Variants in NLRC4 observed in about 807,000 individuals in gnomAD.
NLRC4 encodes NLR family CARD domain containing 4.
In NLRC4, 63 loss-of-function variants were observed where a neutral mutation model predicts 79.9. That is an observed-to-expected ratio of 0.79 (90% CI 0.64 to 0.97). The LOEUF (loss-of-function observed/expected upper bound fraction) is 0.97. NLRC4 is among the 50% of genes least tolerant of loss of function. The probability of loss-of-function intolerance (pLI) is 0.00; values close to 1 mark genes in which losing one functional copy is unlikely to be tolerated. For missense variants in NLRC4, 1,074 were observed against 1,215.2 expected (o/e 0.88, Z 1.73); for synonymous variants, 461 against 456.5 (o/e 1.01, Z -0.12).
Position 32,262,874 on chromosome 2 carries a change from T to C in NLRC4, c.-119+1864A>G, listed in dbSNP as rs141257275. On this transcript the variant is annotated intron_variant, in intron 1 of 8. Coordinates refer to ENST00000402280, the MANE Select transcript of NLRC4 (RefSeq NM_001199138.2). ...CCCCGCAAGCTGTCCAGTGAATAAC[T>C]GAATTGGGTGGAAGAAGTCCTTCCC... Among the ~76,000 whole-genome samples, 1,199 of 151,798 alleles carry C rather than the reference T, an allele frequency of 7.9e-3. 5 individuals are homozygous for C. Among genetic ancestry groups the C allele is most frequent in the Non-Finnish European group, 0.013 (859 of 67,954 alleles).
At chr2:32,258,450 G>C (rs1359183241) in intron 1 of NLRC4, among the ~76,000 whole-genome samples, 1 of 152,216 alleles carries the variant, frequency 6.6e-6, no homozygotes, top group Admixed American at 6.5e-5. Context: ...TCCTCACCTA[G>C]GTCCGTGGGC....
Position 32,250,147 on chromosome 2 carries a change from G to C in NLRC4, c.1717C>G (p.Gln573Glu), listed in dbSNP as rs752695860. The C allele has an allele frequency of 6.2e-7, 1 of 1,614,118 alleles. No homozygotes were observed. The highest frequency in any genetic ancestry group is 8.5e-7 in the Non-Finnish European group (1 of 1,180,032). ...CCTTGAAAGAAAGCTTCAAATTCTT[G>C]GCTCAGGGCTGATTTGGATGTACTC... ...QESTSKSALS[Q>E]EFEAFFQGKS... The change falls in exon 4 of 9, where the codon CAA (glutamine) becomes GAA (glutamate). Residue 573 changes from glutamine (Q) to glutamate (E), a missense_variant. Coordinates refer to ENST00000402280, the MANE Select transcript of NLRC4 (RefSeq NM_001199138.2). This position sits in a 1 kb window ranked among gnomAD's most constrained non-coding sequence, Gnocchi z 4.9.
At chr2:32,229,798 A>G (rs1573467967) in intron 8 of NLRC4, among the ~76,000 whole-genome samples, 4 of 152,244 alleles carry the variant, frequency 2.6e-5, no homozygotes, top group Admixed American at 2.6e-4. Flanking sequence ...AATCAAATAA[A>G]TTAAACACTT....
At position 32,231,572 on chromosome 2, in the gene NLRC4, T is replaced by TGCC. The variant is rs757448591; in HGVS notation, c.2782+3828_2782+3829insGGC. Among the ~76,000 whole-genome samples, 441 of 59,478 alleles carry TGCC rather than the reference T, an allele frequency of 7.4e-3. 34 individuals are homozygous for TGCC. Among genetic ancestry groups the TGCC allele is most frequent in the Middle Eastern group, 0.033 (3 of 92 alleles). The allele number at this position is 59,478 out of a possible 152,430, so 39.0% of individuals were successfully genotyped here. A position where few individuals can be genotyped will look rare whatever the true frequency, so the allele number is the denominator to read the frequency against. ...CTTTCTTTCTTTTTCTATTTTTTTT[T>TGCC]GTGGGGGGGGGGTGGGGGACTGGGT... On this transcript the variant is annotated intron_variant, in intron 8 of 8. Coordinates refer to ENST00000402280, the MANE Select transcript of NLRC4 (RefSeq NM_001199138.2).
chr2:32,235,322 G>A (rs929948966), intron 8 of NLRC4, 79 bp downstream of exon 8: 12 of 969,198 alleles, frequency 1.2e-5, no homozygotes, highest in Non-Finnish European at 1.9e-5. Context: ...TAAAATAAGG[G>A]GGCAAAATAA....
intron 2 of NLRC4, among the ~76,000 whole-genome samples, chr2:32,255,458 T>G (rs1687184382): frequency 6.8e-6 from 1 of 147,726 alleles, no homozygotes; most frequent in Admixed American, 7.0e-5. Context: ...AAGCAGAGGT[T>G]GCGGTGAGCC....
At chr2:32,244,818 AAAG>A (rs1340015191) in intron 4 of NLRC4, among the ~76,000 whole-genome samples, 9 of 150,322 alleles carry the variant, frequency 6.0e-5, no homozygotes, top group Admixed American at 2.7e-4. Context: ...TCTCTACAAA[AAAG>A]AAGGAGGAGG....
chr2:32,247,103 T>C (rs1686954783), intron 4 of NLRC4, among the ~76,000 whole-genome samples: 1 of 152,146 alleles, frequency 6.6e-6, no homozygotes, highest in Admixed American at 6.5e-5. Context: ...GCTGAGTATC[T>C]TCTACAATTT....
chr2:32,259,446 G>C (rs1021953030), intron 1 of NLRC4, among the ~76,000 whole-genome samples: 12 of 151,486 alleles, frequency 7.9e-5, no homozygotes, highest in Non-Finnish European at 1.3e-4. Context: ...TTCAAACATA[G>C]AGAAAATCCA....
intron 4 of NLRC4, among the ~76,000 whole-genome samples, chr2:32,241,605 C>G (rs1686804246): frequency 6.6e-6 from 1 of 152,048 alleles, no homozygotes; most frequent in Non-Finnish European, 1.5e-5. Context: ...GTCTCAATCT[C>G]CTGACCTCGT....
At position 32,252,415 on chromosome 2, in the gene NLRC4, T is replaced by A. The variant is rs947899957; in HGVS notation, c.262+4A>T. On this transcript the variant is annotated splice_donor_region_variant and intron_variant, in intron 3 of 8. Coordinates refer to ENST00000402280, the MANE Select transcript of NLRC4 (RefSeq NM_001199138.2). ...AAACAGATGCAAAACTAACTGATAC[T>A]TACTTTGTCCATTCAAGTCCTGAAA... 6 of 1,602,444 alleles carry A rather than the reference T, an allele frequency of 3.7e-6. No homozygotes were observed. The highest frequency in any genetic ancestry group is 2.2e-5 in the East Asian group (1 of 44,820).
At chr2:32,239,884 T>A (rs1686755913) in intron 5 of NLRC4, among the ~76,000 whole-genome samples, 2 of 152,230 alleles carry the variant, frequency 1.3e-5, no homozygotes, top group Non-Finnish European at 2.9e-5. Context: ...TTCTGTGTAA[T>A]TTATACACAT....
At position 32,250,908 on chromosome 2, in the gene NLRC4, T is replaced by C. The variant is rs1442864002; in HGVS notation, c.956A>G (p.Glu319Gly). Residue 319 changes from glutamate to glycine, a missense_variant, in exon 4 of 9, where the codon GAA becomes GGA. By Grantham distance (98) the Glu-to-Gly change is moderately conservative. Transcript: ENST00000402280. The surrounding 1 kb of genome is among the most constrained non-coding windows in gnomAD (Gnocchi z 4.9). ...TTTCTGAATTTGGAGCAACAAGCCT[T>C]CAGCAAGCTCCTTGATCAGCACTTC... is the stretch of plus-strand genomic sequence containing the variant. Reference protein sequence around the residue: ...IREVLIKELAEGLLLQIQKSR... With the variant: ...IREVLIKELAGGLLLQIQKSR... 1 of 1,614,096 alleles carries C rather than the reference T, an allele frequency of 6.2e-7. No homozygotes were observed. Among genetic ancestry groups the C allele is most frequent in the East Asian group, 2.2e-5 (1 of 44,882 alleles).
At chr2:32,233,349 A>ATATATATATATATATATT (rs1418146489) in intron 8 of NLRC4, among the ~76,000 whole-genome samples, 5 of 41,098 alleles carry the variant, frequency 1.2e-4, no homozygotes, top group Non-Finnish European at 1.3e-4. Context: ...ATATATATAT[A>ATATATATATATATATATT]TTTTTTTTTT....
intron 4 of NLRC4, among the ~76,000 whole-genome samples, chr2:32,241,939 G>A (rs993849553): frequency 1.3e-5 from 2 of 151,744 alleles, no homozygotes; most frequent in African/African-American, 2.4e-5. Flanking sequence ...CAACAACCTA[G>A]GCATACTACT....
At chr2:32,236,931 T>C (rs1047796867) in intron 6 of NLRC4, among the ~76,000 whole-genome samples, 7 of 152,246 alleles carry the variant, frequency 4.6e-5, no homozygotes, top group African/African-American at 1.2e-4. Flanking sequence ...TAAATCTTAA[T>C]GGACTAAACA....
In NLRC4 at chr2:32,250,871, C is replaced by G; in HGVS notation, c.993G>C (p.Leu331Phe). Residue 331 changes from leucine to phenylalanine, a missense_variant, in exon 4 of 9, where the codon TTG becomes TTC. Physicochemically the swap from Leu to Phe is conservative, Grantham distance 22 (BLOSUM62 0). Transcript: ENST00000402280. The surrounding 1 kb of genome is among the most constrained non-coding windows in gnomAD (Gnocchi z 4.9). The part of the protein sequence containing the change: ...LLLQIQKSRC[L>F]RNLMKTPLFV... ...AGAGAGGGGTCTTCATGAGATTCCTCAAGCACCTGGATTTCTGAATTTGGA... is the reference window on the plus strand; with the variant it reads ...AGAGAGGGGTCTTCATGAGATTCCTGAAGCACCTGGATTTCTGAATTTGGA... 1.9e-6 allele frequency: 3 copies of G among 1,614,198 alleles called. No individual in the cohort carries two copies. The highest frequency in any genetic ancestry group is 2.7e-5 in the African/African-American group (2 of 75,054).
intron 8 of NLRC4, among the ~76,000 whole-genome samples, chr2:32,226,864 G>A (rs922018308): frequency 6.6e-6 from 1 of 151,576 alleles, no homozygotes; most frequent in Non-Finnish European, 1.5e-5. Context: ...TGGGTAACGA[G>A]TGAAACTCCA....
chr2:32,225,393 CACAT>C (rs1558442691), intron 8 of NLRC4, among the ~76,000 whole-genome samples: 5 of 140,282 alleles, frequency 3.6e-5, no homozygotes, highest in South Asian at 2.3e-4. Context: ...CACACACACA[CACAT>C]ACATACAAAG....
Sources: gnomAD v4.1 joint callset for allele counts (sites outside exome capture counted in the v4.1 genomes callset) on GRCh38, gnomAD v4.1.1 for gene constraint, Gnocchi (gnomAD v3.1) non-coding constraint, MANE v1.5 for transcripts, NCBI Gene and HGNC (gene_info 2026-07-23, HGNC 2026-07-21) for gene names.